TRAPPC10: variants seen among roughly 807,000 people sequenced by gnomAD.
The protein encoded by TRAPPC10 is trafficking protein particle complex subunit 10.
A neutral mutation model predicts 125.5 loss-of-function variants in TRAPPC10; 23 were observed. The ratio of observed to expected loss-of-function variants is 0.18; its 90% confidence interval spans 0.13 to 0.26. The LOEUF (loss-of-function observed/expected upper bound fraction) is 0.26, where lower values mean the gene tolerates loss of function less well. Among genes scored for constraint, TRAPPC10 ranks in the 10% least tolerant of loss-of-function variants. The pLI is 1.00. For missense variants in TRAPPC10, 1,123 were observed against 1,308.4 expected, an observed-to-expected ratio of 0.86 and a Z score of 2.19; for synonymous variants, 509 against 518.0, an observed-to-expected ratio of 0.98 and a Z score of 0.24.
At chr21:44,093,744 C>T (rs182042564) in intron 19 of TRAPPC10, among the ~76,000 whole-genome samples, 97 of 152,140 alleles carry the variant, frequency 6.4e-4, no homozygotes, top group African/African-American at 2.1e-3. Context: ...GGCGACAAAG[C>T]GAGACTCCAT....
At chr21:44,094,630 CAT>C (rs148027103) in intron 20 of TRAPPC10, among the ~76,000 whole-genome samples, 2,842 of 152,278 alleles carry the variant, frequency 0.019, 36 homozygotes, top group Non-Finnish European at 0.031. Context: ...AAGCTGAAAA[CAT>C]ATGAAAACCT....
At chr21:44,044,630 C>A (rs1306631102) in intron 3 of TRAPPC10, among the ~76,000 whole-genome samples, 1 of 149,130 alleles carries the variant, frequency 6.7e-6, no homozygotes, top group East Asian at 1.9e-4. Context: ...GTCTGTTATG[C>A]CTTGGAGAGA....
intron 18 of TRAPPC10, chr21:44,091,677 A>G (rs2038589290): frequency 2.8e-6 from 1 of 354,664 alleles, no homozygotes; most frequent in Non-Finnish European, 5.4e-6. Flanking sequence ...TGACCTCATA[A>G]TCTGCCCACC....
chr21:44,026,211 C>T (rs1161295271), intron 1 of TRAPPC10, among the ~76,000 whole-genome samples: 1 of 151,976 alleles, frequency 6.6e-6, no homozygotes, highest in Non-Finnish European at 1.5e-5. Context: ...TCACTCCCTG[C>T]CCCCACCCCC....
At chr21:44,033,470 T>C (rs2033748824) in intron 2 of TRAPPC10, among the ~76,000 whole-genome samples, 1 of 152,104 alleles carries the variant, frequency 6.6e-6, no homozygotes, top group South Asian at 2.1e-4. Context: ...GAAAAGAGTT[T>C]AGCAAATGGA....
At chr21:44,065,881 G>A (rs1458585518) in intron 7 of TRAPPC10, among the ~76,000 whole-genome samples, 5 of 152,096 alleles carry the variant, frequency 3.3e-5, no homozygotes, top group African/African-American at 7.2e-5. Flanking sequence ...AAATTTTTTG[G>A]TAGAGATGAG....
intron 1 of TRAPPC10, among the ~76,000 whole-genome samples, chr21:44,018,467 A>G (rs2032118459): frequency 1.3e-5 from 2 of 152,126 alleles, no homozygotes; most frequent in Non-Finnish European, 2.9e-5. Flanking sequence ...TTGGGAGGCC[A>G]AGGTGGGTGG....
At chr21:44,089,181 C>A in intron 17 of TRAPPC10, 1 of 307,480 alleles carries the variant, frequency 3.3e-6, no homozygotes, top group Non-Finnish European at 6.5e-6. Context: ...TTCCCTGGCG[C>A]TGGTGGCACC....
chr21:44,053,797 C>T (rs1310703541), intron 4 of TRAPPC10, among the ~76,000 whole-genome samples: 3 of 152,170 alleles, frequency 2.0e-5, no homozygotes, highest in Admixed American at 6.5e-5. Flanking sequence ...GGGGGGATCA[C>T]GCCGCTCTCC....
intron 1 of TRAPPC10, among the ~76,000 whole-genome samples, chr21:44,022,767 T>A (rs946057236): frequency 6.6e-6 from 1 of 152,064 alleles, no homozygotes; most frequent in Non-Finnish European, 1.5e-5. Context: ...TGTCTCTTTT[T>A]TTTTCTTTAT....
chr21:44,065,457 C>T (rs902390487), intron 7 of TRAPPC10, among the ~76,000 whole-genome samples: 2 of 152,220 alleles, frequency 1.3e-5, no homozygotes, highest in Non-Finnish European at 2.9e-5. Context: ...TGAGTGGAAG[C>T]TGCCCCATTG....
At chr21:44,033,318 A>G (rs781686040) in intron 2 of TRAPPC10, among the ~76,000 whole-genome samples, 2 of 152,210 alleles carry the variant, frequency 1.3e-5, no homozygotes, top group African/African-American at 4.8e-5. Context: ...TGACTTACCC[A>G]GGTGAATATA....
At position 44,063,688 on chromosome 21, in the gene TRAPPC10, A is replaced by G; in HGVS notation, c.941A>G (p.Gln314Arg). ...CTGCGCAGTTACCTGTTCTCTCGCC[A>G]GTGCACCTTGCTGCTCTTCCTGCAG... is the stretch of plus-strand genomic sequence containing the variant. Reference protein sequence around the residue: ...LDLRSYLFSRQCTLLLFLQRP... With the variant: ...LDLRSYLFSRRCTLLLFLQRP... The change falls in exon 7 of 23, where the codon CAG (glutamine) becomes CGG (arginine). Residue 314 changes from glutamine (Q) to arginine (R), a missense_variant. This residue lies in a region of TRAPPC10 where 91 missense variants were observed against 127.1 expected (regional missense o/e 0.72). Transcript: ENST00000291574. This position sits in a 1 kb window ranked among gnomAD's most constrained non-coding sequence, Gnocchi z 4.4. The G allele has an allele frequency of 6.2e-6, 10 of 1,614,204 alleles. No homozygotes were observed. The highest frequency in any genetic ancestry group is 8.5e-6 in the Non-Finnish European group (10 of 1,180,034).
At position 44,082,825 on chromosome 21, in the gene TRAPPC10, A is replaced by G; in HGVS notation, c.1761A>G (p.Gln587=). 6.2e-7 allele frequency: 1 copy of G among 1,613,856 alleles called. No homozygotes were observed. The highest frequency in any genetic ancestry group is 1.1e-5 in the South Asian group (1 of 91,042). ...TGCTACCCATGCATTCCTTTGCACA[A>G]CTGCGAGATCTCCATTTTGATCCCT... ...KIVLPMHSFA[Q]LRDLHFDPSN... The change falls in exon 14 of 23, where the codon CAA becomes CAG. Residue 587 remains glutamine, a synonymous_variant. Coordinates refer to ENST00000291574, the MANE Select transcript of TRAPPC10 (RefSeq NM_003274.5). The surrounding 1 kb of genome is among the most constrained non-coding windows in gnomAD (Gnocchi z 4.4).
intron 13 of TRAPPC10, among the ~76,000 whole-genome samples, chr21:44,081,517 C>T (rs1439156077): frequency 6.6e-6 from 1 of 152,136 alleles, no homozygotes; most frequent in Non-Finnish European, 1.5e-5. Flanking sequence ...TACTGTAATC[C>T]CCAAAGTGCT....
At chr21:44,074,596 C>G in intron 8 of TRAPPC10, 126 bp downstream of exon 8, 1 of 1,270,962 alleles carries the variant, frequency 7.9e-7, no homozygotes, top group Non-Finnish European at 1.1e-6. Flanking sequence ...ACTTTAGTGG[C>G]CCTAGAAGGT....
chr21:44,049,183 G>A (rs117164028), intron 3 of TRAPPC10, among the ~76,000 whole-genome samples: 2 of 152,238 alleles, frequency 1.3e-5, no homozygotes, highest in East Asian at 1.9e-4. Context: ...ACACGTGTAC[G>A]TGCACACATT....
intron 4 of TRAPPC10, among the ~76,000 whole-genome samples, chr21:44,052,955 C>G (rs897449190): frequency 6.6e-6 from 1 of 152,156 alleles, no homozygotes; most frequent in African/African-American, 2.4e-5. Flanking sequence ...TGGGCTTTCT[C>G]CGCCTTGCCC....
intron 1 of TRAPPC10, among the ~76,000 whole-genome samples, chr21:44,021,392 A>G (rs937863935): frequency 6.6e-6 from 1 of 152,218 alleles, no homozygotes; most frequent in Non-Finnish European, 1.5e-5. Flanking sequence ...GACAAGTGCT[A>G]TGGAAAAAAG....
Sources: allele counts gnomAD v4.1 joint callset (sites outside exome capture counted in the v4.1 genomes callset), GRCh38; gene constraint gnomAD v4.1.1; regional missense constraint gnomAD v4.1.1; non-coding constraint Gnocchi (gnomAD v3.1); transcripts MANE v1.5; gene names NCBI Gene and HGNC (gene_info 2026-07-23, HGNC 2026-07-21).